Variants in FNDC7 observed in about 807,000 individuals in gnomAD.
FNDC7 encodes fibronectin type III domain containing 7.
In FNDC7, 66 loss-of-function variants were observed where a neutral mutation model predicts 74.2. The observed-to-expected ratio is 0.89, with a 90% CI of 0.73 to 1.09. The LOEUF is 1.09. FNDC7 is among the 50% of genes least tolerant of loss of function. The pLI is 0.00. For missense variants in FNDC7, 829 were observed against 893.4 expected (o/e 0.93, Z 0.92); for synonymous variants, 307 against 330.2 (o/e 0.93, Z 0.76).
chr1:108,731,205 CAACACAGAGT>C (rs1322092815), intron 9 of FNDC7, among the ~76,000 whole-genome samples: 9 of 152,222 alleles, frequency 5.9e-5, no homozygotes, highest in African/African-American at 1.9e-4. Flanking sequence ...TAGCTACTTG[CAACACAGAGT>C]AACGTAGCCT....
chr1:108,715,544 G>A (rs990982567), intron 2 of FNDC7, among the ~76,000 whole-genome samples: 11 of 152,108 alleles, frequency 7.2e-5, no homozygotes, highest in African/African-American at 2.4e-4. Context: ...TGTGTTTGCC[G>A]CATACTCCTC....
chr1:108,718,174 G>A, intron 3 of FNDC7, 143 bp downstream of exon 3: 3 of 1,167,660 alleles, frequency 2.6e-6, no homozygotes, highest in Non-Finnish European at 3.6e-6. Context: ...ACCAAATGAT[G>A]CTGTTTGAGA....
intron 5 of FNDC7, among the ~76,000 whole-genome samples, chr1:108,723,556 A>G (rs757919685): frequency 6.6e-6 from 1 of 152,358 alleles, no homozygotes; most frequent in Middle Eastern, 3.4e-3. Context: ...ATTAAGGTCA[A>G]TGATAACAAA....
intron 5 of FNDC7, 90 bp downstream of exon 5, chr1:108,722,682 G>A: frequency 7.3e-7 from 1 of 1,362,454 alleles, no homozygotes; most frequent in Non-Finnish European, 9.8e-7. Context: ...GAATACTCTG[G>A]AAAAAATGAA....
At chr1:108,713,032 G>A (rs1429511695) in intron 1 of FNDC7, 36 bp downstream of exon 1, 1 of 1,515,946 alleles carries the variant, frequency 6.6e-7, no homozygotes, top group Admixed American at 2.1e-5. Context: ...CAACTATTTA[G>A]GGGAAAAAAG....
intron 10 of FNDC7, among the ~76,000 whole-genome samples, chr1:108,735,830 G>A (rs958795948): frequency 2.6e-5 from 4 of 152,010 alleles, no homozygotes; most frequent in Non-Finnish European, 4.4e-5. Flanking sequence ...TATTGAGAAA[G>A]GGTCTTGCTT....
intron 2 of FNDC7, among the ~76,000 whole-genome samples, chr1:108,714,594 T>C (rs1040914610): frequency 7.0e-6 from 1 of 143,766 alleles, no homozygotes; most frequent in Non-Finnish European, 1.5e-5. Flanking sequence ...CTTGGCCATA[T>C]ACAAAGTGGC....
intron 11 of FNDC7, among the ~76,000 whole-genome samples, chr1:108,740,020 C>T (rs6687345): frequency 0.47 from 66,332 of 139,722 alleles, 15,921 homozygotes; most frequent in Non-Finnish European, 0.51. Flanking sequence ...GCCCTCAACG[C>T]CATCTCTCTA....
Position 108,713,533 on chromosome 1 carries a change from C to A in FNDC7, c.82+4C>A, listed in dbSNP as rs774021112. The A allele has an allele frequency of 6.5e-7, 1 of 1,545,426 alleles. No individual in the cohort carries two copies. The highest frequency in any genetic ancestry group is 8.7e-7 in the Non-Finnish European group (1 of 1,145,394). On this transcript the variant is annotated splice_donor_region_variant and intron_variant, in intron 2 of 12. Transcript: ENST00000370017. Reference sequence around the variant, plus strand: ...CAGGTTGCTTCAGCAAAATCAGGTACAATTTTCTGACCTGCAAGTTTTTCC... The same window carrying A: ...CAGGTTGCTTCAGCAAAATCAGGTAAAATTTTCTGACCTGCAAGTTTTTCC...
chr1:108,729,824 T>TA (rs959224047), intron 8 of FNDC7, among the ~76,000 whole-genome samples: 2 of 152,072 alleles, frequency 1.3e-5, no homozygotes, highest in Non-Finnish European at 1.5e-5. Flanking sequence ...TTGAAATACC[T>TA]AAAAAAAGAA....
chr1:108,719,104 G>T, intron 4 of FNDC7, 55 bp downstream of exon 4: 1 of 1,539,046 alleles, frequency 6.5e-7, no homozygotes, highest in Non-Finnish European at 8.8e-7. Context: ...AATGAGGGGG[G>T]CTGTGTGTTG....
chr1:108,737,784 G>A (rs138614305), intron 11 of FNDC7, among the ~76,000 whole-genome samples: 462 of 152,288 alleles, frequency 3.0e-3, no homozygotes, highest in Non-Finnish European at 4.2e-3. Context: ...ATAGTTTTGG[G>A]AGGGGCAGCG....
At chr1:108,732,386 G>A (rs559091988) in intron 9 of FNDC7, among the ~76,000 whole-genome samples, 1 of 151,310 alleles carries the variant, frequency 6.6e-6, no homozygotes, top group East Asian at 1.9e-4. Flanking sequence ...CATGGATGAA[G>A]CGTGGACCAG....
chr1:108,727,883 G>C lies in FNDC7; in HGVS notation c.1187G>C (p.Arg396Pro), dbSNP rs746921716. The C allele has an allele frequency of 6.2e-7, 1 of 1,614,042 alleles. No homozygotes were observed. Among genetic ancestry groups the C allele is most frequent in the Non-Finnish European group, 8.5e-7 (1 of 1,180,044 alleles). ...GTTGAGATTGTCTGGTCTCCTGTCCGTGGTGCCGAACTGTATGAAACCAAG... is the reference window on the plus strand; with the variant it reads ...GTTGAGATTGTCTGGTCTCCTGTCCCTGGTGCCGAACTGTATGAAACCAAG... ...DRVEIVWSPV[R>P]GAELYETKAV... is the part of the protein sequence containing the mutation. Residue 396 changes from arginine to proline, a missense_variant, in exon 7 of 13, where the codon CGT becomes CCT. Physicochemically the swap from Arg to Pro is moderately radical, Grantham distance 103. Transcript: ENST00000370017.
intron 5 of FNDC7, among the ~76,000 whole-genome samples, chr1:108,723,565 A>G (rs10494095): frequency 0.15 from 22,478 of 152,178 alleles, 1,743 homozygotes; most frequent in Non-Finnish European, 0.17. Flanking sequence ...AATGATAACA[A>G]ACTTGATGAT....
chr1:108,733,154 A>G, intron 9 of FNDC7, 118 bp from the exon 10 acceptor site: 1 of 1,272,956 alleles, frequency 7.9e-7, no homozygotes, highest in Non-Finnish European at 1.1e-6. Flanking sequence ...CTAACCAGTA[A>G]TTAATCCTGT....
At chr1:108,725,144 T>C (rs990748178) in intron 5 of FNDC7, among the ~76,000 whole-genome samples, 2 of 152,060 alleles carry the variant, frequency 1.3e-5, no homozygotes, top group African/African-American at 4.8e-5. Context: ...TAAAAGAATT[T>C]TCCATGCTAT....
chr1:108,730,626 C>T, intron 8 of FNDC7, 48 bp from the exon 9 acceptor site: 1 of 1,488,984 alleles, frequency 6.7e-7, no homozygotes, highest in Admixed American at 2.3e-5. Flanking sequence ...CACAAATAAT[C>T]TTCAGTGGAA....
At position 108,712,998 on chromosome 1, in the gene FNDC7, T is replaced by C. The variant is rs530624357; in HGVS notation, c.63+2T>C. On this transcript the variant is annotated splice_donor_variant, in intron 1 of 12. Coordinates refer to ENST00000370017, the MANE Select transcript of FNDC7 (RefSeq NM_001144937.3). LOFTEE classifies it high-confidence loss of function. The stretch of plus-strand genomic sequence containing the variant: ...TTCATTCTTATCTGTCTTAAAATGG[T>C]GAGTTCATCATTCCAACTACCCACA... The C allele has an allele frequency of 6.4e-6, 10 of 1,551,146 alleles. No individual in the cohort carries two copies. The South Asian group carries it at 1.1e-4, about 17-fold the overall frequency.
Sources: gnomAD v4.1 joint callset for allele counts (sites outside exome capture counted in the v4.1 genomes callset) on GRCh38, gnomAD v4.1.1 for gene constraint, MANE v1.5 for transcripts, NCBI Gene and HGNC (gene_info 2026-07-23, HGNC 2026-07-21) for gene names.